SOX5: variants seen among roughly 807,000 people sequenced by gnomAD.
SOX5 encodes the protein SRY-box transcription factor 5, also known as transcription factor SOX-5.
A neutral mutation model predicts 92.0 loss-of-function variants in SOX5; 9 were observed. The observed-to-expected ratio is 0.10, with a 90% CI of 0.06 to 0.17. The LOEUF is 0.17. SOX5 is among the 10% of genes least tolerant of loss of function. The pLI, the probability that SOX5 is intolerant of heterozygous loss-of-function variation, is 1.00. For missense variants in SOX5, 642 were observed against 944.5 expected (o/e 0.68, Z 4.20); for synonymous variants, 344 against 336.3 (o/e 1.02, Z -0.25).
intron 9 of SOX5, among the ~76,000 whole-genome samples, chr12:23,603,466 A>AAAATATATATATATATATATT (rs2074822905): frequency 2.2e-5 from 3 of 136,138 alleles, no homozygotes; most frequent in Admixed American, 7.3e-5. Flanking sequence ...ATATATATAT[A>AAAATATATATATATATATATT]TTTTGCTGGT....
intron 5 of SOX5, among the ~76,000 whole-genome samples, chr12:23,735,228 T>G (rs552038215): frequency 1.3e-5 from 2 of 152,316 alleles, no homozygotes; most frequent in South Asian, 2.1e-4. Context: ...TTCTCATTAC[T>G]GCCTCTCACA....
At chr12:24,450,371 T>C (rs1431229320) in intron 1 of SOX5, among the ~76,000 whole-genome samples, 1 of 152,202 alleles carries the variant, frequency 6.6e-6, no homozygotes, top group Non-Finnish European at 1.5e-5. Flanking sequence ...AGCAGGTATA[T>C]ATATTTACGA....
chr12:24,447,624 A>G (rs946701234), intron 1 of SOX5, among the ~76,000 whole-genome samples: 19 of 152,210 alleles, frequency 1.2e-4, no homozygotes, highest in African/African-American at 3.9e-4. Context: ...AACTATAACA[A>G]CATAATATGT....
intron 6 of SOX5, among the ~76,000 whole-genome samples, chr12:23,693,132 G>A (rs1175119854): frequency 6.6e-6 from 1 of 151,746 alleles, no homozygotes; most frequent in Non-Finnish European, 1.5e-5. Flanking sequence ...TATTGTTGTT[G>A]TTGTTGTTGA....
At chr12:24,375,901 C>T in intron 1 of SOX5, among the ~76,000 whole-genome samples, 1 of 151,366 alleles carries the variant, frequency 6.6e-6, no homozygotes, top group South Asian at 2.1e-4. Flanking sequence ...TTTAAAAAGT[C>T]TTTTTTTTTC....
At chr12:24,562,537 G>A, upstream of SOX5, 1 of 153,882 alleles carries the variant, frequency 6.5e-6, no homozygotes, top group Non-Finnish European at 1.4e-5. Context: ...TCTCTCGCTC[G>A]CCCGCTCGCT....
chr12:23,822,942 G>T (rs968192244), intron 3 of SOX5, among the ~76,000 whole-genome samples: 4 of 97,886 alleles, frequency 4.1e-5, no homozygotes, highest in Non-Finnish European at 4.4e-5. Context: ...GACTAGGACT[G>T]CTTTTTTTTG....
At chr12:24,005,373 C>T (rs929107942) in intron 4 of SOX5, among the ~76,000 whole-genome samples, 5 of 152,062 alleles carry the variant, frequency 3.3e-5, no homozygotes, top group African/African-American at 9.7e-5. Flanking sequence ...ATATTTTTCT[C>T]GTTACTAAAT....
At chr12:24,515,568 G>A (rs1303510506) in intron 1 of SOX5, among the ~76,000 whole-genome samples, 2 of 152,092 alleles carry the variant, frequency 1.3e-5, no homozygotes, top group African/African-American at 4.8e-5. Flanking sequence ...CAGTATACTA[G>A]TCTAATAAGT....
intron 3 of SOX5, among the ~76,000 whole-genome samples, chr12:23,828,744 T>G (rs1344524134): frequency 6.8e-6 from 1 of 146,742 alleles, no homozygotes. Flanking sequence ...CTTTTCAAAT[T>G]CAGGACATCA....
intron 4 of SOX5, among the ~76,000 whole-genome samples, chr12:24,199,739 C>T (rs947228761): frequency 2.6e-5 from 4 of 152,064 alleles, no homozygotes; most frequent in African/African-American, 9.7e-5. Flanking sequence ...TCAATTCCTG[C>T]CTGCCAGTTG....
chr12:23,993,570 T>C (rs1750717079), intron 4 of SOX5, among the ~76,000 whole-genome samples: 1 of 152,188 alleles, frequency 6.6e-6, no homozygotes, highest in African/African-American at 2.4e-5. Flanking sequence ...TTCAGTAACC[T>C]TTCCCTTACC....
At chr12:24,352,787 G>A (rs1323979012) in intron 2 of SOX5, among the ~76,000 whole-genome samples, 7 of 152,138 alleles carry the variant, frequency 4.6e-5, no homozygotes, top group Non-Finnish European at 1.0e-4. Context: ...TCTGTGGCCA[G>A]TCCTTCTCAA....
In SOX5 at chr12:24,393,136, A is replaced by C. The variant is rs1176128590; in HGVS notation, c.-250-24497T>G. ...TAAATGAATAAAGTAGATTGAAGCT[A>C]AGAAAAAAAATACAGCAAAATTAGA... On this transcript the variant is annotated intron_variant, in intron 1 of 4. Transcript: ENST00000446891. The surrounding 1 kb of genome is among the most constrained non-coding windows in gnomAD (Gnocchi z 5.0). 6.7e-6 allele frequency among the ~76,000 whole-genome samples: 1 copy of C among 149,320 alleles called. No homozygotes were observed. Among genetic ancestry groups the C allele is most frequent in the Non-Finnish European group, 1.5e-5 (1 of 67,872 alleles).
rs532879310 is a variant in SOX5, at chr12:24,479,862, T to TA, written c.-251+82466dup. On this transcript the variant is annotated intron_variant, in intron 1 of 4. Coordinates refer to the SOX5 transcript ENST00000446891. ...TGTATTGTTAGTAGAAGCGGGGTTTTACCCTGTTGGCCAGGCTGGTCTCGA... is the reference window on the plus strand; with the variant it reads ...TGTATTGTTAGTAGAAGCGGGGTTTTAACCCTGTTGGCCAGGCTGGTCTCGA... 3.0e-3 allele frequency among the ~76,000 whole-genome samples: 463 copies of TA among 152,182 alleles called. 1 individual carries two copies. The highest frequency in any genetic ancestry group is 0.01 in the African/African-American group (432 of 41,540).
intron 4 of SOX5, among the ~76,000 whole-genome samples, chr12:24,047,608 C>CG (rs1957178706): frequency 1.3e-5 from 2 of 152,256 alleles, no homozygotes; most frequent in East Asian, 1.9e-4. Flanking sequence ...CACTAGTGGG[C>CG]ATTACCACAT....
At chr12:23,986,926 T>C (rs1950115021) in intron 4 of SOX5, among the ~76,000 whole-genome samples, 1 of 152,176 alleles carries the variant, frequency 6.6e-6, no homozygotes, top group African/African-American at 2.4e-5. Flanking sequence ...CTTTTTGTGC[T>C]AAAGACTCAT....
At chr12:23,912,446 C>A (rs2138447788) in intron 1 of SOX5, among the ~76,000 whole-genome samples, 1 of 152,282 alleles carries the variant, frequency 6.6e-6, no homozygotes, top group African/African-American at 2.4e-5. Context: ...TTTGCAGTTT[C>A]TAAAGAGTTA....
chr12:23,953,113 A>G (rs1017079613), upstream of SOX5, among the ~76,000 whole-genome samples: 7 of 152,142 alleles, frequency 4.6e-5, no homozygotes, highest in African/African-American at 1.7e-4. Context: ...CTAAGCCATA[A>G]AAGTTTTCTT....
Sources: allele counts gnomAD v4.1 joint callset (sites outside exome capture counted in the v4.1 genomes callset), GRCh38; gene constraint gnomAD v4.1.1; non-coding constraint Gnocchi (gnomAD v3.1); transcripts MANE v1.5; gene names NCBI Gene and HGNC (gene_info 2026-07-23, HGNC 2026-07-21).